The following SLC35F1 variants were observed in gnomAD, a reference collection of about 807,000 sequenced individuals.
SLC35F1 encodes the protein chromosome 6 open reading frame 169.
Under a neutral mutation model 48.7 loss-of-function variants are expected in SLC35F1, and 14 were observed. The observed-to-expected ratio is 0.29, with a 90% CI of 0.19 to 0.45. SLC35F1 has a LOEUF of 0.45. Ranked by LOEUF, SLC35F1 falls within the 20% of genes least tolerant of loss-of-function variation. The pLI is 1.00. For synonymous variants in SLC35F1, 190 were observed against 202.2 expected (o/e 0.94, Z 0.51); for missense variants, 404 against 500.0 (o/e 0.81, Z 1.83).
At chr6:118,037,191 T>C (rs1182882639) in intron 1 of SLC35F1, among the ~76,000 whole-genome samples, 1 of 152,218 alleles carries the variant, frequency 6.6e-6, no homozygotes, top group African/African-American at 2.4e-5. Context: ...CTCTATGTCA[T>C]TATATTTAAA....
chr6:118,220,146 C>A (rs143048040), intron 2 of SLC35F1, among the ~76,000 whole-genome samples: 3,366 of 151,882 alleles, frequency 0.022, 71 homozygotes, highest in Middle Eastern at 0.061. Flanking sequence ...TGCACATGTA[C>A]CCTAGAACTT....
At chr6:118,236,318 C>T (rs367633095) in intron 3 of SLC35F1, among the ~76,000 whole-genome samples, 2 of 152,172 alleles carry the variant, frequency 1.3e-5, no homozygotes. Context: ...TTCCTCATTA[C>T]ACTGTAAATG....
chr6:118,135,695 A>AGCTTTAG (rs1773783866), intron 1 of SLC35F1, among the ~76,000 whole-genome samples: 1 of 152,218 alleles, frequency 6.6e-6, no homozygotes, highest in African/African-American at 2.4e-5. Flanking sequence ...CCAGAGAGTG[A>AGCTTTAG]AGGGAGGTTA....
intron 2 of SLC35F1, among the ~76,000 whole-genome samples, chr6:118,198,528 C>G (rs1439013438): frequency 6.6e-6 from 1 of 152,198 alleles, no homozygotes; most frequent in Non-Finnish European, 1.5e-5. Context: ...ATTTATCCCA[C>G]TGCAATTTTT....
intron 2 of SLC35F1, among the ~76,000 whole-genome samples, chr6:118,202,709 A>T (rs190432582): frequency 6.6e-6 from 1 of 152,310 alleles, no homozygotes; most frequent in East Asian, 1.9e-4. Flanking sequence ...GAGACAGACA[A>T]CCACATAAAC....
chr6:118,034,810 G>A (rs1772104084), intron 1 of SLC35F1, among the ~76,000 whole-genome samples: 2 of 152,022 alleles, frequency 1.3e-5, no homozygotes, highest in South Asian at 4.1e-4. Flanking sequence ...CATAGTAATA[G>A]GGCTCTGCTT....
intron 1 of SLC35F1, among the ~76,000 whole-genome samples, chr6:118,093,089 G>A (rs566305127): frequency 3.3e-5 from 5 of 152,198 alleles, no homozygotes; most frequent in African/African-American, 7.2e-5. Context: ...AGGCAGAGGC[G>A]GGTGGATCAT....
At chr6:117,931,740 T>C (rs887536617) in intron 1 of SLC35F1, among the ~76,000 whole-genome samples, 7 of 152,238 alleles carry the variant, frequency 4.6e-5, no homozygotes, top group African/African-American at 1.7e-4. Flanking sequence ...TAGAAGTGCT[T>C]GCAGAGAGGT....
intron 2 of SLC35F1, among the ~76,000 whole-genome samples, chr6:118,173,518 T>C (rs747255032): frequency 1.3e-4 from 20 of 152,164 alleles, no homozygotes; most frequent in Non-Finnish European, 2.1e-4. Context: ...CTGCAAACTC[T>C]GTTCCATGAG....
Position 117,988,973 on chromosome 6 carries a change from T to C in SLC35F1, c.173+81074T>C, listed in dbSNP as rs546545988. Among the ~76,000 whole-genome samples the C allele has an allele frequency of 9.2e-5, 14 of 152,330 alleles. No individual in the cohort carries two copies. In the South Asian group the frequency reaches 2.9e-3, roughly 32 times the overall value. On this transcript the variant is annotated intron_variant, in intron 1 of 7. Coordinates refer to ENST00000360388, the MANE Select transcript of SLC35F1 (RefSeq NM_001029858.4). ...ATTAATCAGAAAAACAGTCCTACTT[T>C]GTAAGTTTTGGGAGGTGTCATATTT...
At chr6:118,260,530 T>C (rs1013452626) in intron 3 of SLC35F1, among the ~76,000 whole-genome samples, 1 of 152,080 alleles carries the variant, frequency 6.6e-6, no homozygotes, top group African/African-American at 2.4e-5. Context: ...AGGGACAGTT[T>C]TATCTACCTT....
intron 1 of SLC35F1, among the ~76,000 whole-genome samples, chr6:117,936,695 CT>C (rs1370143285): frequency 1.3e-5 from 2 of 152,034 alleles, no homozygotes; most frequent in African/African-American, 4.8e-5. Context: ...AAGGCTTAGT[CT>C]GACATTTGGA....
At chr6:118,010,963 C>T (rs1042035773) in intron 1 of SLC35F1, among the ~76,000 whole-genome samples, 1 of 152,082 alleles carries the variant, frequency 6.6e-6, no homozygotes, top group Non-Finnish European at 1.5e-5. Flanking sequence ...GAACATTTGG[C>T]AATATTTGGA....
intron 1 of SLC35F1, among the ~76,000 whole-genome samples, chr6:117,945,353 T>C (rs186043996): frequency 6.5e-4 from 99 of 152,334 alleles, no homozygotes; most frequent in African/African-American, 2.3e-3. Flanking sequence ...TTTCCACATA[T>C]AGTCACAAAT....
intron 1 of SLC35F1, among the ~76,000 whole-genome samples, chr6:118,025,772 A>T (rs910304406): frequency 1.3e-5 from 2 of 152,090 alleles, no homozygotes; most frequent in Non-Finnish European, 2.9e-5. Flanking sequence ...TTTCAATTGC[A>T]TTTATGTATA....
intron 1 of SLC35F1, among the ~76,000 whole-genome samples, chr6:118,036,301 T>C (rs926837601): frequency 1.4e-4 from 21 of 152,194 alleles, no homozygotes; most frequent in Non-Finnish European, 1.2e-4. Context: ...AGAAATGTGG[T>C]TTAATTTTCA....
intron 1 of SLC35F1, among the ~76,000 whole-genome samples, chr6:118,136,855 T>C (rs1461558436): frequency 6.6e-6 from 1 of 152,204 alleles, no homozygotes; most frequent in East Asian, 1.9e-4. Flanking sequence ...GAAAACATTT[T>C]ATGAAATATG....
At chr6:118,180,973 C>T (rs183015168) in intron 2 of SLC35F1, among the ~76,000 whole-genome samples, 13 of 152,038 alleles carry the variant, frequency 8.6e-5, no homozygotes, top group African/African-American at 2.9e-4. Context: ...ATAAAGACTA[C>T]CCACAAAATA....
chr6:118,215,950 G>C (rs1775065532), intron 2 of SLC35F1, among the ~76,000 whole-genome samples: 1 of 152,188 alleles, frequency 6.6e-6, no homozygotes, highest in East Asian at 1.9e-4. Context: ...GGCAATGGCA[G>C]ATGTTAAAGT....
Sources: gnomAD v4.1 joint callset for allele counts (sites outside exome capture counted in the v4.1 genomes callset) on GRCh38, gnomAD v4.1.1 for gene constraint, MANE v1.5 for transcripts, NCBI Gene and HGNC (gene_info 2026-07-23, HGNC 2026-07-21) for gene names.